Variants in NTF3 observed in about 807,000 individuals in gnomAD.
NTF3 encodes the protein neurotrophin-3.
In NTF3, 8 loss-of-function variants were observed where a neutral mutation model predicts 26.3. That is an observed-to-expected ratio of 0.30 (90% CI 0.18 to 0.55). The LOEUF is 0.55. Among genes scored for constraint, NTF3 ranks in the 20% least tolerant of loss-of-function variants. The pLI, the probability that NTF3 is intolerant of heterozygous loss-of-function variation, is 0.93. For missense variants in NTF3, 276 were observed against 352.9 expected (o/e 0.78, Z 1.75); for synonymous variants, 154 against 145.5 (o/e 1.06, Z -0.42).
chr12:5,446,130 A>G (rs1940302458), intron 1 of NTF3, among the ~76,000 whole-genome samples: 1 of 152,114 alleles, frequency 6.6e-6, no homozygotes, highest in South Asian at 2.1e-4. Flanking sequence ...TACCAGGCAG[A>G]TATACCAGGC....
intron 1 of NTF3, among the ~76,000 whole-genome samples, chr12:5,451,307 AGCATTT>A (rs1015086461): frequency 4.6e-5 from 7 of 152,244 alleles, no homozygotes; most frequent in African/African-American, 1.4e-4. Flanking sequence ...TGAAACACAA[AGCATTT>A]GCTTCCTTAA....
At chr12:5,475,353 T>G (rs376122074) in intron 1 of NTF3, among the ~76,000 whole-genome samples, 2 of 151,994 alleles carry the variant, frequency 1.3e-5, no homozygotes, top group South Asian at 2.1e-4. Flanking sequence ...GGTGGGGCTG[T>G]TTTTTTAGGG....
intron 1 of NTF3, among the ~76,000 whole-genome samples, chr12:5,470,037 A>G (rs954387492): frequency 3.9e-5 from 6 of 151,978 alleles, no homozygotes; most frequent in South Asian, 2.1e-4. Flanking sequence ...CCATTCTCCT[A>G]CCTCAGCCTC....
At chr12:5,478,536 T>A (rs561220535) in intron 1 of NTF3, among the ~76,000 whole-genome samples, 2 of 152,382 alleles carry the variant, frequency 1.3e-5, no homozygotes, top group East Asian at 3.9e-4. Flanking sequence ...TCATGGCTCA[T>A]ACGGGCCTGC....
intron 1 of NTF3, among the ~76,000 whole-genome samples, chr12:5,437,441 G>A (rs528105186): frequency 6.6e-6 from 1 of 151,528 alleles, no homozygotes; most frequent in East Asian, 2.0e-4. Flanking sequence ...AGATGTTCAG[G>A]CCTCTCCTCT....
At chr12:5,437,627 C>A (rs1940185014) in intron 1 of NTF3, among the ~76,000 whole-genome samples, 1 of 152,232 alleles carries the variant, frequency 6.6e-6, no homozygotes, top group Admixed American at 6.5e-5. Context: ...GAGCCCACCA[C>A]CCTGCCTCAA....
chr12:5,441,958 C>T (rs948427839), intron 1 of NTF3, among the ~76,000 whole-genome samples: 5 of 152,324 alleles, frequency 3.3e-5, no homozygotes, highest in African/African-American at 1.2e-4. Context: ...AATCGGGTGT[C>T]ATTGCATACG....
chr12:5,468,327 C>T (rs1458733700), intron 1 of NTF3, among the ~76,000 whole-genome samples: 1 of 152,184 alleles, frequency 6.6e-6, no homozygotes, highest in Non-Finnish European at 1.5e-5. Flanking sequence ...TATCTTAATG[C>T]ATATCACCTA....
intron 1 of NTF3, among the ~76,000 whole-genome samples, chr12:5,469,466 G>A (rs1940637129): frequency 6.6e-6 from 1 of 152,106 alleles, no homozygotes; most frequent in Non-Finnish European, 1.5e-5. Flanking sequence ...ATCTTTAGGG[G>A]CCCAGGTCAC....
chr12:5,440,052 A>G (rs976725119), intron 1 of NTF3, among the ~76,000 whole-genome samples: 3 of 152,170 alleles, frequency 2.0e-5, no homozygotes, highest in Non-Finnish European at 2.9e-5. Context: ...GAAGCCAAAC[A>G]GGTTCTTGGG....
intron 1 of NTF3, among the ~76,000 whole-genome samples, chr12:5,479,710 A>C (rs929767865): frequency 4.6e-5 from 7 of 152,212 alleles, no homozygotes; most frequent in African/African-American, 1.7e-4. Context: ...ATCTCTCCCC[A>C]AAAAGCTGGA....
At chr12:5,492,499 G>A (rs1341411013) in intron 1 of NTF3, among the ~76,000 whole-genome samples, 2 of 152,204 alleles carry the variant, frequency 1.3e-5, no homozygotes, top group Non-Finnish European at 2.9e-5. Flanking sequence ...TAATATTGAA[G>A]AAAATGTCAC....
intron 1 of NTF3, among the ~76,000 whole-genome samples, chr12:5,483,199 ATCTCTCTCTC>A (rs144003087): frequency 2.2e-5 from 3 of 134,436 alleles, no homozygotes; most frequent in Non-Finnish European, 1.6e-5. Context: ...CTCTCTTTCT[ATCTCTCTCTC>A]TCTCTCTCTC....
At chr12:5,437,522 C>T (rs1304693484) in intron 1 of NTF3, among the ~76,000 whole-genome samples, 1 of 152,152 alleles carries the variant, frequency 6.6e-6, no homozygotes, top group Non-Finnish European at 1.5e-5. Context: ...TTTTCCTGAG[C>T]AGTTACAGCA....
upstream of NTF3, among the ~76,000 whole-genome samples, chr12:5,431,182 C>A (rs1368620759): frequency 6.6e-6 from 1 of 152,104 alleles, no homozygotes; most frequent in Non-Finnish European, 1.5e-5. Context: ...ACTTTCGGGG[C>A]GCCACGAACA....
intron 1 of NTF3, among the ~76,000 whole-genome samples, chr12:5,463,891 A>G (rs1391653437): frequency 6.6e-6 from 1 of 152,214 alleles, no homozygotes; most frequent in Non-Finnish European, 1.5e-5. Context: ...AGGTTGAATT[A>G]TGTCTTGGCA....
chr12:5,436,836 T>A (rs1364523304), intron 1 of NTF3, among the ~76,000 whole-genome samples: 1 of 152,230 alleles, frequency 6.6e-6, no homozygotes, highest in Non-Finnish European at 1.5e-5. Context: ...ATCTTTAAGA[T>A]CTTTGAGCTA....
chr12:5,465,890 G>C (rs577909756), intron 1 of NTF3, among the ~76,000 whole-genome samples: 13 of 152,360 alleles, frequency 8.5e-5, no homozygotes, highest in Admixed American at 3.3e-4. Flanking sequence ...CATGTACCAG[G>C]AGTAGCTACC....
chr12:5,486,719 C>A (rs1940870201), intron 1 of NTF3, among the ~76,000 whole-genome samples: 1 of 152,180 alleles, frequency 6.6e-6, no homozygotes, highest in Non-Finnish European at 1.5e-5. Flanking sequence ...TGTTTTCACA[C>A]TTAGAGATTG....
Sources: gnomAD v4.1 joint callset for allele counts (sites outside exome capture counted in the v4.1 genomes callset) on GRCh38, gnomAD v4.1.1 for gene constraint, MANE v1.5 for transcripts, NCBI Gene and HGNC (gene_info 2026-07-23, HGNC 2026-07-21) for gene names.